Variants in SPAG16 observed in about 807,000 individuals in gnomAD.
The protein encoded by SPAG16 is sperm associated antigen 16.
Under a neutral mutation model 80.4 loss-of-function variants are expected in SPAG16, and 86 were observed. That is an observed-to-expected ratio of 1.07 (90% CI 0.90 to 1.28). SPAG16 has a LOEUF of 1.28. SPAG16 is among the 50% of genes most tolerant of loss of function. The probability of loss-of-function intolerance (pLI) is 0.00; values close to 1 mark genes in which losing one functional copy is unlikely to be tolerated. For synonymous variants in SPAG16, 294 were observed against 265.9 expected, an observed-to-expected ratio of 1.11 and a Z score of -1.03; for missense variants, 870 against 765.3, an observed-to-expected ratio of 1.14 and a Z score of -1.61.
chr2:214,328,518 A>G (rs1452639828), intron 15 of SPAG16, among the ~76,000 whole-genome samples: 1 of 152,190 alleles, frequency 6.6e-6, no homozygotes, highest in Non-Finnish European at 1.5e-5. Flanking sequence ...GGATCCAAGT[A>G]TACTTTGGAC....
intron 10 of SPAG16, among the ~76,000 whole-genome samples, chr2:213,596,869 C>A (rs1218229525): frequency 1.3e-5 from 2 of 152,192 alleles, no homozygotes; most frequent in Non-Finnish European, 2.9e-5. Context: ...TATTTGACCC[C>A]CTCCTAGTTT....
At chr2:213,937,886 G>A (rs1372763234) in intron 12 of SPAG16, among the ~76,000 whole-genome samples, 1 of 151,830 alleles carries the variant, frequency 6.6e-6, no homozygotes, top group African/African-American at 2.4e-5. Flanking sequence ...AATATACATG[G>A]ATCAATAATA....
chr2:213,781,582 TCACAA>T (rs1303193107), intron 10 of SPAG16, among the ~76,000 whole-genome samples: 1 of 152,164 alleles, frequency 6.6e-6, no homozygotes, highest in Non-Finnish European at 1.5e-5. Flanking sequence ...TTAGTCCTGC[TCACAA>T]CAGTATTTAA....
intron 15 of SPAG16, among the ~76,000 whole-genome samples, chr2:214,172,272 A>C (rs1035766404): frequency 1.8e-4 from 27 of 151,646 alleles, no homozygotes; most frequent in Non-Finnish European, 3.7e-4. Flanking sequence ...CAGTCCCCAG[A>C]GTGTGATGTT....
intron 15 of SPAG16, among the ~76,000 whole-genome samples, chr2:214,258,479 A>ATATATATG (rs976205967): frequency 6.9e-6 from 1 of 145,834 alleles, no homozygotes; most frequent in Non-Finnish European, 1.5e-5. Context: ...GTGTATATAT[A>ATATATATG]TATATATATA....
chr2:213,830,771 C>A (rs1232572773), intron 10 of SPAG16, among the ~76,000 whole-genome samples: 2 of 152,092 alleles, frequency 1.3e-5, no homozygotes, highest in Non-Finnish European at 2.9e-5. Context: ...CGAAGGCCCA[C>A]TTTCAGTCCT....
intron 10 of SPAG16, among the ~76,000 whole-genome samples, chr2:213,602,303 T>G (rs1167667929): frequency 6.6e-6 from 1 of 152,170 alleles, no homozygotes; most frequent in Non-Finnish European, 1.5e-5. Flanking sequence ...GATCTATAAT[T>G]TAAAATAACA....
intron 9 of SPAG16, among the ~76,000 whole-genome samples, chr2:213,477,587 C>T (rs2073485793): frequency 1.3e-5 from 2 of 152,226 alleles, no homozygotes; most frequent in Admixed American, 1.3e-4. Context: ...GGAGATCAGA[C>T]TTGCATGGGG....
chr2:213,906,484 A>G lies in SPAG16; in HGVS notation c.1215-23476A>G, dbSNP rs117956354. Among the ~76,000 whole-genome samples, 808 of 152,254 alleles carry G rather than the reference A, an allele frequency of 5.3e-3. 14 individuals are homozygous for G. Among genetic ancestry groups the G allele is most frequent in the East Asian group, 0.042 (216 of 5,184 alleles). On this transcript the variant is annotated intron_variant, in intron 11 of 15. Coordinates refer to ENST00000331683, the MANE Select transcript of SPAG16 (RefSeq NM_024532.5). ...TTAATGCAGTCTCTATCAAAATACC[A>G]ATTACATTATTCACAGAAATAGAAA...
intron 15 of SPAG16, among the ~76,000 whole-genome samples, chr2:214,340,962 A>G (rs891765234): frequency 2.6e-5 from 4 of 152,222 alleles, no homozygotes; most frequent in African/African-American, 4.8e-5. Flanking sequence ...CATAAAGAAA[A>G]TATCAAGATA....
At chr2:214,385,571 C>T (rs1470374574) in intron 15 of SPAG16, among the ~76,000 whole-genome samples, 2 of 152,208 alleles carry the variant, frequency 1.3e-5, no homozygotes, top group East Asian at 3.8e-4. Context: ...AGGCCGGGCA[C>T]AGTGGCTTAC....
chr2:214,127,813 C>CT (rs1421119938), intron 14 of SPAG16, among the ~76,000 whole-genome samples: 3 of 151,804 alleles, frequency 2.0e-5, no homozygotes, highest in East Asian at 1.9e-4. Flanking sequence ...TAATGAATGA[C>CT]TAATCATGTT....
chr2:213,544,823 G>A (rs931524158), intron 10 of SPAG16, among the ~76,000 whole-genome samples: 1 of 152,018 alleles, frequency 6.6e-6, no homozygotes, highest in Non-Finnish European at 1.5e-5. Flanking sequence ...ATACATTGAA[G>A]TTTTCTCCGT....
At chr2:213,927,083 C>A (rs1262366695) in intron 11 of SPAG16, among the ~76,000 whole-genome samples, 1 of 152,198 alleles carries the variant, frequency 6.6e-6, no homozygotes, top group South Asian at 2.1e-4. Flanking sequence ...TAAATGGCTG[C>A]CTTCTTGCTG....
intron 10 of SPAG16, among the ~76,000 whole-genome samples, chr2:213,563,861 T>C (rs189355678): frequency 1.3e-5 from 2 of 152,360 alleles, no homozygotes. Flanking sequence ...TGGTTTTCTC[T>C]GCTATCACAT....
intron 8 of SPAG16, among the ~76,000 whole-genome samples, chr2:213,371,396 C>CAAAA (rs1161878780): frequency 6.4e-4 from 30 of 47,226 alleles, no homozygotes; most frequent in African/African-American, 1.8e-3. Flanking sequence ...GACCGTGTCT[C>CAAAA]AAAAAAAAAA....
intron 10 of SPAG16, among the ~76,000 whole-genome samples, chr2:213,841,408 A>G (rs545780059): frequency 1.5e-3 from 229 of 152,292 alleles, no homozygotes; most frequent in Non-Finnish European, 2.5e-3. Flanking sequence ...GCATTTTCCT[A>G]ATGCATCTTA....
intron 10 of SPAG16, among the ~76,000 whole-genome samples, chr2:213,758,700 C>A (rs1280848918): frequency 2.0e-5 from 3 of 152,004 alleles, no homozygotes; most frequent in Non-Finnish European, 2.9e-5. Context: ...CTGTGTGACA[C>A]AATCAAGGAG....
At chr2:213,591,630 TGAGGTTTTGTGGTGGGGA>T (rs997522173) in intron 10 of SPAG16, among the ~76,000 whole-genome samples, 1 of 152,114 alleles carries the variant, frequency 6.6e-6, no homozygotes, top group African/African-American at 2.4e-5. Context: ...ACCACTGCAA[TGAGGTTTTGTGGTGGGGA>T]GAGAGATTGG....
Sources: gnomAD v4.1 joint callset for allele counts (sites outside exome capture counted in the v4.1 genomes callset) on GRCh38, gnomAD v4.1.1 for gene constraint, MANE v1.5 for transcripts, NCBI Gene and HGNC (gene_info 2026-07-23, HGNC 2026-07-21) for gene names.